The following PES1 variants were observed in gnomAD, a reference collection of about 807,000 sequenced individuals.
PES1 encodes pescadillo homolog.
In PES1, 31 loss-of-function variants were observed where a neutral mutation model predicts 77.1. The observed-to-expected ratio is 0.40, with a 90% CI of 0.30 to 0.54. The LOEUF (loss-of-function observed/expected upper bound fraction) is 0.54. Among genes scored for constraint, PES1 ranks in the 20% least tolerant of loss-of-function variants. The pLI, the probability that PES1 is intolerant of heterozygous loss-of-function variation, is 0.45. For missense variants in PES1, 658 were observed against 771.7 expected (o/e 0.85, Z 1.75); for synonymous variants, 282 against 303.0 (o/e 0.93, Z 0.72).
intron 10 of PES1, 89 bp from the exon 11 acceptor site, chr22:30,580,267 C>T: frequency 6.7e-7 from 1 of 1,494,058 alleles, no homozygotes. Context: ...GGCCACCCAG[C>T]CCATAAACTC....
intron 1 of PES1, among the ~76,000 whole-genome samples, chr22:30,606,081 G>A (rs1378305709): frequency 2.0e-5 from 3 of 152,168 alleles, no homozygotes; most frequent in African/African-American, 4.8e-5. Flanking sequence ...TAGTTAACTC[G>A]TATACATTGA....
rs1244316403 is a variant in PES1 at position 30,577,071 on chromosome 22, T to G, written c.1742A>C (p.Lys581Thr). Residue 581 changes from lysine (K) to threonine (T), a missense_variant, in exon 15 of 15, where the codon AAG becomes ACG. By Grantham distance (78) the Lys-to-Thr change is moderately conservative. Transcript: ENST00000354694. ...TCACTCCGGCCTTGCCTTCTTGGCCTTCTTCTCAGACCTCACCGCCTCATC... is the reference window on the plus strand; with the variant it reads ...TCACTCCGGCCTTGCCTTCTTGGCCGTCTTCTCAGACCTCACCGCCTCATC... Reference protein sequence around the residue: ...AHDEAVRSEKKAKKARPE With the variant: ...AHDEAVRSEKTAKKARPE The G allele has an allele frequency of 6.2e-7, 1 of 1,614,020 alleles. No individual in the cohort carries two copies. Among genetic ancestry groups the G allele is most frequent in the Admixed American group, 1.7e-5 (1 of 60,024 alleles).
chr22:30,597,909 A>C (rs1461896025), intron 2 of PES1, among the ~76,000 whole-genome samples: 2 of 115,272 alleles, frequency 1.7e-5, no homozygotes, highest in Non-Finnish European at 3.3e-5. Flanking sequence ...TTTGAGTCGG[A>C]GTCTCACTCT....
At chr22:30,590,841 T>A (rs2087164528) in intron 1 of PES1, among the ~76,000 whole-genome samples, 1 of 152,172 alleles carries the variant, frequency 6.6e-6, no homozygotes, top group Non-Finnish European at 1.5e-5. Flanking sequence ...ACCCAGCTTT[T>A]AAAAACTGTA....
chr22:30,605,162 T>C (rs1007077929), intron 2 of PES1, among the ~76,000 whole-genome samples: 1 of 151,946 alleles, frequency 6.6e-6, no homozygotes, highest in East Asian at 1.9e-4. Flanking sequence ...TCCCTGGCAT[T>C]TTTTGGTTTT....
chr22:30,592,859 A>G (rs2087204034), upstream of PES1, among the ~76,000 whole-genome samples: 1 of 147,288 alleles, frequency 6.8e-6, no homozygotes. Context: ...TAATTTGTAC[A>G]CATAAATTCT....
At chr22:30,598,554 G>T (rs1424258554) in intron 2 of PES1, among the ~76,000 whole-genome samples, 1 of 152,148 alleles carries the variant, frequency 6.6e-6, no homozygotes, top group Non-Finnish European at 1.5e-5. Context: ...TCAGGTTCCT[G>T]AGTAGCTGGG....
chr22:30,600,485 C>G (rs2087338333), intron 2 of PES1, among the ~76,000 whole-genome samples: 1 of 151,866 alleles, frequency 6.6e-6, no homozygotes, highest in East Asian at 1.9e-4. Context: ...GAGTTCGAGA[C>G]CAGCCTGGGC....
chr22:30,593,330 T>G (rs113686553), upstream of PES1, among the ~76,000 whole-genome samples: 2,240 of 151,892 alleles, frequency 0.015, 63 homozygotes, highest in African/African-American at 0.051. Flanking sequence ...CTACCAAAAA[T>G]ACAAAAATTA....
Position 30,579,146 on chromosome 22 carries a change from C to A in PES1, c.1512G>T (p.Met504Ile), listed in dbSNP as rs747044270. ...TTGCAGCTCCCCCTACCTTCCCCTC[C>A]ATCCTCTGCTCTTCCAGGGCTGCCA... is the stretch of plus-strand genomic sequence containing the variant. Reference protein sequence around the residue: ...ARLAALEEQRMEGKKPRVMAG... With the variant: ...ARLAALEEQRIEGKKPRVMAG... Residue 504 changes from methionine to isoleucine, a missense_variant, in exon 13 of 15, where the codon ATG becomes ATT. By Grantham distance (10) the Met-to-Ile change is conservative (BLOSUM62 1). Transcript: ENST00000354694. 6.2e-7 allele frequency: 1 copy of A among 1,608,988 alleles called. No homozygotes were observed. The highest frequency in any genetic ancestry group is 1.1e-5 in the South Asian group (1 of 91,032).
At chr22:30,578,037 C>G (rs2086928650) in intron 14 of PES1, among the ~76,000 whole-genome samples, 1 of 152,190 alleles carries the variant, frequency 6.6e-6, no homozygotes, top group South Asian at 2.1e-4. Flanking sequence ...AACCCCAACA[C>G]TTTAGGAGGC....
intron 2 of PES1, among the ~76,000 whole-genome samples, chr22:30,597,877 G>GTTTTTTTTTTTTTTTTTT (rs869064352): frequency 1.1e-5 from 1 of 90,576 alleles, no homozygotes; most frequent in Non-Finnish European, 2.4e-5. Flanking sequence ...CGCAGTTGAA[G>GTTTTTTTTTTTTTTTTTT]TTTTGTTTTT....
intron 1 of PES1, among the ~76,000 whole-genome samples, chr22:30,591,263 T>C (rs1300666851): frequency 1.3e-5 from 2 of 152,202 alleles, no homozygotes; most frequent in African/African-American, 2.4e-5. Flanking sequence ...TTGGTTTACA[T>C]GCGAGTCATC....
At chr22:30,586,273 G>A (rs970519072) in intron 4 of PES1, among the ~76,000 whole-genome samples, 8 of 152,158 alleles carry the variant, frequency 5.3e-5, no homozygotes, top group South Asian at 2.1e-4. Context: ...GGACCTGCTC[G>A]GGCTAGGAAA....
At chr22:30,596,720 G>A (rs541653934), upstream of PES1, among the ~76,000 whole-genome samples, 40 of 152,322 alleles carry the variant, frequency 2.6e-4, no homozygotes, top group South Asian at 1.9e-3. Flanking sequence ...GCCCTCGCTC[G>A]CTCTCAGTGC....
Position 30,580,657 on chromosome 22 carries a change from C to A in PES1, c.957G>T (p.Ala319=), listed in dbSNP as rs137921166. ...CAAAAAGCTTCTTGTGCTTCTCCTG[C>A]GCCTCCAGCTCCTTCCTGCGGTCTT... ...QEEDRRKELE[A]QEKHKKLFEG... is the part of the protein sequence containing the mutation. The change falls in exon 10 of 15, where the codon GCG becomes GCT. Residue 319 remains alanine, a synonymous_variant. Transcript: ENST00000354694. The A allele has an allele frequency of 5.0e-6, 8 of 1,613,580 alleles. No individual in the cohort carries two copies. Among genetic ancestry groups the A allele is most frequent in the Non-Finnish European group, 6.8e-6 (8 of 1,180,022 alleles).
chr22:30,581,504 G>C, intron 7 of PES1, 24 bp downstream of exon 7: 1 of 1,606,952 alleles, frequency 6.2e-7, no homozygotes, highest in Non-Finnish European at 8.5e-7. Flanking sequence ...ACGGCGAGCA[G>C]AAGGCACTGG....
rs71200084 is a variant in PES1, at chr22:30,598,885, A to ATTTTTT, written c.-660-6493_-660-6488dup. 3.8e-3 allele frequency among the ~76,000 whole-genome samples: 195 copies of ATTTTTT among 51,198 alleles called. 51 individuals are homozygous for ATTTTTT. Among genetic ancestry groups the ATTTTTT allele is most frequent in the East Asian group, 5.2e-3 (7 of 1,346 alleles). The allele number at this position is 51,198 out of a possible 152,430, so 33.6% of individuals were successfully genotyped here. On this transcript the variant is annotated intron_variant, in intron 2 of 16. Transcript: ENST00000402281. ...TTCAAGTTTATGTGACTTAAGTAAAATTTTTTTTTTTTTTTTTTTTTTTTT... is the reference window on the plus strand; with the variant it reads ...TTCAAGTTTATGTGACTTAAGTAAAATTTTTTTTTTTTTTTTTTTTTTTTTTTTTTT...
At chr22:30,595,538 CAAAAAAAAAAAA>C (rs377364940), upstream of PES1, among the ~76,000 whole-genome samples, 1 of 80,704 alleles carries the variant, frequency 1.2e-5, no homozygotes, top group Non-Finnish European at 2.4e-5. Context: ...GACAGTGTCT[CAAAAAAAAAAAA>C]AAAAAAAAAA....
Sources: allele counts gnomAD v4.1 joint callset (sites outside exome capture counted in the v4.1 genomes callset), GRCh38; gene constraint gnomAD v4.1.1; transcripts MANE v1.5; gene names NCBI Gene and HGNC (gene_info 2026-07-23, HGNC 2026-07-21).